Variants in ZNF274 observed in about 807,000 individuals in gnomAD.
ZNF274 encodes the protein neurotrophin receptor-interacting factor homolog.
Under a neutral mutation model 42.5 loss-of-function variants are expected in ZNF274, and 23 were observed. The ratio of observed to expected loss-of-function variants is 0.54; its 90% confidence interval spans 0.39 to 0.77. The LOEUF (loss-of-function observed/expected upper bound fraction) is 0.77, where lower values mean the gene tolerates loss of function less well. Ranked by LOEUF, ZNF274 falls within the 30% of genes least tolerant of loss-of-function variation. The probability of loss-of-function intolerance (pLI) is 0.00; values close to 1 mark genes in which losing one functional copy is unlikely to be tolerated. For synonymous variants in ZNF274, 292 were observed against 305.4 expected (o/e 0.96, Z 0.46); for missense variants, 679 against 806.5 (o/e 0.84, Z 1.91).
chr19:58,192,354 G>A (rs1297053616), intron 4 of ZNF274, among the ~76,000 whole-genome samples: 1 of 152,176 alleles, frequency 6.6e-6, no homozygotes, highest in East Asian at 1.9e-4. Context: ...CTAACATGTG[G>A]TAATAAGTGG....
intron 4 of ZNF274, among the ~76,000 whole-genome samples, chr19:58,195,041 T>C (rs949340914): frequency 1.3e-5 from 2 of 150,404 alleles, no homozygotes; most frequent in Non-Finnish European, 1.5e-5. Context: ...TAAATAAAAA[T>C]ACAAAAATTA....
intron 4 of ZNF274, among the ~76,000 whole-genome samples, chr19:58,197,548 T>G (rs892715158): frequency 2.6e-5 from 4 of 152,236 alleles, no homozygotes; most frequent in African/African-American, 7.2e-5. Context: ...CTTTTACTTC[T>G]GTATGTCCCC....
chr19:58,197,485 T>C (rs2075858215), intron 4 of ZNF274, among the ~76,000 whole-genome samples: 1 of 152,216 alleles, frequency 6.6e-6, no homozygotes, highest in Admixed American at 6.5e-5. Flanking sequence ...TTGCTTATTA[T>C]CTGACCTGAA....
At chr19:58,194,216 T>G (rs1045995936) in intron 4 of ZNF274, among the ~76,000 whole-genome samples, 2 of 151,942 alleles carry the variant, frequency 1.3e-5, no homozygotes, top group Non-Finnish European at 2.9e-5. Flanking sequence ...TGTGTGTGTG[T>G]GGGTGTGTGT....
chr19:58,210,937 A>T (rs1430920269), intron 6 of ZNF274: 1 of 152,308 alleles, frequency 6.6e-6, no homozygotes, highest in African/African-American at 2.4e-5. Flanking sequence ...GCTGGTCTCG[A>T]ACTCCTGACC....
chr19:58,192,873 T>C (rs554220761), intron 4 of ZNF274, among the ~76,000 whole-genome samples: 116 of 152,268 alleles, frequency 7.6e-4, no homozygotes, highest in African/African-American at 2.7e-3. Context: ...GCTTCGTGAG[T>C]AGCTTGGACT....
chr19:58,193,365 T>C (rs1232062422), intron 4 of ZNF274, among the ~76,000 whole-genome samples: 2 of 151,528 alleles, frequency 1.3e-5, no homozygotes, highest in South Asian at 2.1e-4. Context: ...CCAGGATGGT[T>C]TCGATCTCCT....
At chr19:58,206,605 GGGTTTGAAGCATATTCCACTGT>G in intron 4 of ZNF274, 93 bp from the exon 5 acceptor site, 2 of 1,214,404 alleles carry the variant, frequency 1.6e-6, no homozygotes, top group East Asian at 5.1e-5. Context: ...CCATGCTAGT[GGGTTTGAAGCATATTCCACTGT>G]GGTTTTGACT....
Position 58,183,240 on chromosome 19 carries a change from C to G in ZNF274, c.-248C>G, listed in dbSNP as rs902383046. Reference sequence around the variant, plus strand: ...TCACCAGAGGCCTCCCCTTGCCTAGCTGGACCGCCGAGGGACATCGACGAG... The same window carrying G: ...TCACCAGAGGCCTCCCCTTGCCTAGGTGGACCGCCGAGGGACATCGACGAG... On this transcript the variant is annotated 5_prime_UTR_variant, in exon 1 of 8. Coordinates refer to ENST00000617501, the MANE Select transcript of ZNF274 (RefSeq NM_133502.3). The G allele has an allele frequency of 1.3e-5, 2 of 152,412 alleles. No homozygotes were observed. Among genetic ancestry groups the G allele is most frequent in the African/African-American group, 4.8e-5 (2 of 41,478 alleles). 9.4% of individuals were successfully genotyped at this position (152,412 alleles called of 1,614,324 possible).
At chr19:58,187,239 G>T (rs1196977810) in intron 4 of ZNF274, among the ~76,000 whole-genome samples, 197 bp downstream of exon 4, 1 of 152,188 alleles carries the variant, frequency 6.6e-6, no homozygotes, top group East Asian at 1.9e-4. Flanking sequence ...ACCTGTTGCT[G>T]GTGGCAGGTG....
intron 4 of ZNF274, among the ~76,000 whole-genome samples, chr19:58,194,222 T>G (rs1017106128): frequency 3.9e-5 from 6 of 152,096 alleles, no homozygotes; most frequent in Non-Finnish European, 8.8e-5. Context: ...TGTGTGGGTG[T>G]GTGTGTGTGT....
intron 4 of ZNF274, among the ~76,000 whole-genome samples, chr19:58,203,549 G>A (rs535930064): frequency 6.7e-6 from 1 of 148,996 alleles, no homozygotes; most frequent in East Asian, 1.9e-4. Flanking sequence ...CTGCACTCTA[G>A]CGTGGGCGAC....
intron 4 of ZNF274, among the ~76,000 whole-genome samples, chr19:58,190,747 T>C (rs1003207832): frequency 2.0e-5 from 3 of 152,176 alleles, no homozygotes; most frequent in Non-Finnish European, 4.4e-5. Flanking sequence ...TTGGTCAGCT[T>C]TTCTGTCAGT....
chr19:58,206,807 C>A lies in ZNF274; in HGVS notation c.344C>A (p.Thr115Lys). The change falls in exon 5 of 8, where the codon ACA (threonine) becomes AAA (lysine). Residue 115 changes from threonine to lysine, a missense_variant. Coordinates refer to ENST00000617501, the MANE Select transcript of ZNF274 (RefSeq NM_133502.3). ...LMNIEVVEVL[T>K]LNQEVAGPRN... is the part of the protein sequence containing the mutation. Reference sequence around the variant, plus strand: ...AACATTGAGGTTGTTGAGGTCCTCACACTGAACCAGGAGGTGGCTGGTCCC... The same window carrying A: ...AACATTGAGGTTGTTGAGGTCCTCAAACTGAACCAGGAGGTGGCTGGTCCC... The A allele has an allele frequency of 1.2e-6, 2 of 1,613,972 alleles. No individual in the cohort carries two copies. Among genetic ancestry groups the A allele is most frequent in the Non-Finnish European group, 1.7e-6 (2 of 1,179,872 alleles).
intron 4 of ZNF274, among the ~76,000 whole-genome samples, chr19:58,197,005 A>G (rs969573210): frequency 6.6e-6 from 1 of 152,236 alleles, no homozygotes; most frequent in Admixed American, 6.5e-5. Flanking sequence ...GAGGATTCAT[A>G]CTGGAAAAGT....
intron 4 of ZNF274, among the ~76,000 whole-genome samples, chr19:58,188,712 A>ATATATATATATATG (rs2075741818): frequency 8.1e-6 from 1 of 124,088 alleles, no homozygotes; most frequent in Non-Finnish European, 1.7e-5. Flanking sequence ...ATATATATAT[A>ATATATATATATATG]TATATATATA....
intron 2 of ZNF274, chr19:58,184,624 G>A: frequency 6.6e-6 from 1 of 152,418 alleles, no homozygotes; most frequent in East Asian, 1.9e-4. Flanking sequence ...AGATAAATTG[G>A]CATCAAGCAA....
At chr19:58,185,650 C>A (rs1267506841) in intron 2 of ZNF274, 62 bp from the exon 3 acceptor site, 4 of 1,379,382 alleles carry the variant, frequency 2.9e-6, no homozygotes, top group African/African-American at 1.5e-5. Flanking sequence ...GTCAGCCTCC[C>A]CTGTCTTTCT....
At chr19:58,188,620 AATATATAT>A (rs60934983) in intron 4 of ZNF274, among the ~76,000 whole-genome samples, 18,145 of 70,244 alleles carry the variant, frequency 0.26, 2,156 homozygotes, top group Middle Eastern at 0.42. Context: ...AAAAAAAAAA[AATATATAT>A]ATATATATAT....
Sources: allele counts gnomAD v4.1 joint callset (sites outside exome capture counted in the v4.1 genomes callset), GRCh38; gene constraint gnomAD v4.1.1; transcripts MANE v1.5; gene names NCBI Gene and HGNC (gene_info 2026-07-23, HGNC 2026-07-21).